Variants in BTBD9 observed in about 807,000 individuals in gnomAD.
The protein encoded by BTBD9 is BTB/POZ domain-containing protein 9.
In BTBD9, 49 loss-of-function variants were observed where a neutral mutation model predicts 64.3. The ratio of observed to expected loss-of-function variants is 0.76; its 90% CI spans 0.61 to 0.97. The LOEUF is 0.97. BTBD9 is among the 50% of genes least tolerant of loss of function. The pLI is 0.00. For missense variants in BTBD9, 598 were observed against 762.1 expected (o/e 0.78, Z 2.53); for synonymous variants, 260 against 274.7 (o/e 0.95, Z 0.53).
chr6:38,637,272 C>T (rs562975531), intron 1 of BTBD9, among the ~76,000 whole-genome samples: 5 of 152,334 alleles, frequency 3.3e-5, no homozygotes, highest in African/African-American at 1.2e-4. Flanking sequence ...CTTCCCAGCA[C>T]CCAACGAAGT....
At chr6:38,466,069 T>A (rs796242184) in intron 6 of BTBD9, among the ~76,000 whole-genome samples, 8 of 151,370 alleles carry the variant, frequency 5.3e-5, no homozygotes, top group African/African-American at 1.9e-4. Flanking sequence ...TGCCTCAGCC[T>A]CCCAAAGTGC....
At chr6:38,202,301 G>GGT (rs1203003963) in intron 9 of BTBD9, among the ~76,000 whole-genome samples, 1 of 151,372 alleles carries the variant, frequency 6.6e-6, no homozygotes, top group Non-Finnish European at 1.5e-5. Flanking sequence ...TGGCCAGGAT[G>GGT]GTCTCCATCT....
chr6:38,543,147 C>T (rs529810425), intron 6 of BTBD9, among the ~76,000 whole-genome samples: 3 of 152,268 alleles, frequency 2.0e-5, no homozygotes, highest in African/African-American at 7.2e-5. Context: ...AAAGGCTCTT[C>T]GCACAGATAT....
chr6:38,182,038 C>T (rs1432546154), intron 10 of BTBD9, among the ~76,000 whole-genome samples: 1 of 152,132 alleles, frequency 6.6e-6, no homozygotes, highest in Non-Finnish European at 1.5e-5. Context: ...GGAATTACTT[C>T]ATAGGGAGAC....
chr6:38,613,797 C>A (rs1010019665), intron 1 of BTBD9, among the ~76,000 whole-genome samples: 4 of 152,108 alleles, frequency 2.6e-5, no homozygotes, highest in African/African-American at 9.7e-5. Flanking sequence ...AATCTGGACT[C>A]TGGGAGATGT....
At chr6:38,251,505 T>G (rs944012449) in intron 9 of BTBD9, among the ~76,000 whole-genome samples, 2 of 152,124 alleles carry the variant, frequency 1.3e-5, no homozygotes, top group African/African-American at 4.8e-5. Context: ...CCTCAGGTGA[T>G]CCACCCATCT....
chr6:38,572,529 A>C (rs1310099361), intron 6 of BTBD9, among the ~76,000 whole-genome samples: 1 of 152,194 alleles, frequency 6.6e-6, no homozygotes, highest in Non-Finnish European at 1.5e-5. Context: ...CTAAGAAAAG[A>C]AGAAAAAGGA....
intron 4 of BTBD9, among the ~76,000 whole-genome samples, chr6:38,581,208 T>C (rs967634381): frequency 1.3e-5 from 2 of 152,146 alleles, no homozygotes; most frequent in Non-Finnish European, 2.9e-5. Context: ...CAAAAAAATC[T>C]ACTAAACAAA....
chr6:38,442,579 C>G (rs6929332), intron 6 of BTBD9, among the ~76,000 whole-genome samples: 1 of 151,816 alleles, frequency 6.6e-6, no homozygotes, highest in African/African-American at 2.4e-5. Flanking sequence ...GAAGCTTCAC[C>G]CAGTCCACAC....
chr6:38,498,000 C>G (rs1474664627), intron 6 of BTBD9, among the ~76,000 whole-genome samples: 1 of 152,322 alleles, frequency 6.6e-6, no homozygotes, highest in Admixed American at 6.5e-5. Context: ...TGAGATGCCC[C>G]TTGGTCTCAA....
chr6:38,346,954 C>G (rs1056007839), intron 6 of BTBD9, among the ~76,000 whole-genome samples: 1 of 152,166 alleles, frequency 6.6e-6, no homozygotes, highest in Admixed American at 6.5e-5. Context: ...GGAGAGACAG[C>G]TCTCCTACTG....
At chr6:38,327,419 C>T (rs1348162763) in intron 7 of BTBD9, among the ~76,000 whole-genome samples, 1 of 152,120 alleles carries the variant, frequency 6.6e-6, no homozygotes, top group African/African-American at 2.4e-5. Flanking sequence ...CTGTATACAG[C>T]AGTCTGCCCC....
intron 6 of BTBD9, among the ~76,000 whole-genome samples, chr6:38,548,990 T>C (rs544942055): frequency 6.6e-6 from 1 of 152,348 alleles, no homozygotes; most frequent in South Asian, 2.1e-4. Flanking sequence ...TAAGATCTTT[T>C]AGAGGATTTT....
chr6:38,206,895 A>T (rs1393588575), intron 9 of BTBD9, among the ~76,000 whole-genome samples: 1 of 152,212 alleles, frequency 6.6e-6, no homozygotes, highest in Non-Finnish European at 1.5e-5. Context: ...TCAAAATCTA[A>T]AAGTCTGACC....
chr6:38,575,282 G>C (rs1338594445), intron 6 of BTBD9, among the ~76,000 whole-genome samples: 1 of 152,100 alleles, frequency 6.6e-6, no homozygotes, highest in Non-Finnish European at 1.5e-5. Context: ...AACATTTATA[G>C]AGTACCTACT....
chr6:38,364,149 T>G (rs1765093022), intron 6 of BTBD9, among the ~76,000 whole-genome samples: 1 of 152,144 alleles, frequency 6.6e-6, no homozygotes, highest in Admixed American at 6.5e-5. Flanking sequence ...AAAAATCACA[T>G]TCATTGGTGC....
At chr6:38,228,092 T>A (rs968129832) in intron 9 of BTBD9, among the ~76,000 whole-genome samples, 1 of 152,114 alleles carries the variant, frequency 6.6e-6, no homozygotes, top group Non-Finnish European at 1.5e-5. Context: ...CCAGGCACAG[T>A]GGCTCAAACC....
rs1283838209 is a variant in BTBD9, at chr6:38,172,721, A to C, written c.*2264T>G. The C allele has an allele frequency of 6.6e-6, 1 of 152,424 alleles. No homozygotes were observed. Among genetic ancestry groups the C allele is most frequent in the Non-Finnish European group, 1.5e-5 (1 of 68,202 alleles). The allele number at this position is 152,424 out of a possible 1,614,324, so 9.4% of individuals were successfully genotyped here. A position where few individuals can be genotyped will look rare whatever the true frequency, so the allele number is the denominator to read the frequency against. On this transcript the variant is annotated 3_prime_UTR_variant, in exon 11 of 11. Coordinates refer to ENST00000481247, the MANE Select transcript of BTBD9 (RefSeq NM_001099272.2). ...TTATCTGATGATAAGGGGCATCTTT[A>C]AAGTGCTAGAAGACAGGAGGGACAG...
intron 6 of BTBD9, among the ~76,000 whole-genome samples, chr6:38,537,947 C>CCT (rs1196566795): frequency 1.3e-5 from 2 of 152,172 alleles, no homozygotes; most frequent in Non-Finnish European, 2.9e-5. Flanking sequence ...GATGGCAGAG[C>CCT]CCCCTTGCCA....
Sources: gnomAD v4.1 joint callset for allele counts (sites outside exome capture counted in the v4.1 genomes callset) on GRCh38, gnomAD v4.1.1 for gene constraint, MANE v1.5 for transcripts, NCBI Gene and HGNC (gene_info 2026-07-23, HGNC 2026-07-21) for gene names.